Variants in KCNK13 observed in about 807,000 individuals in gnomAD.
KCNK13 encodes the protein potassium two pore domain channel subfamily K member 13, also known as potassium channel subfamily K member 13.
KCNK13 carries 12 observed loss-of-function variants against 23.4 expected under a neutral mutation model. The ratio of observed to expected loss-of-function variants is 0.51; its 90% CI spans 0.33 to 0.83. KCNK13 has a LOEUF of 0.83. Among genes scored for constraint, KCNK13 ranks in the 40% least tolerant of loss-of-function variants. The pLI is 0.02. For synonymous variants in KCNK13, 231 were observed against 229.5 expected (o/e 1.01, Z -0.06); for missense variants, 463 against 556.3 (o/e 0.83, Z 1.69).
At chr14:90,083,311 A>T (rs1889234965) in intron 1 of KCNK13, among the ~76,000 whole-genome samples, 2 of 152,196 alleles carry the variant, frequency 1.3e-5, no homozygotes, top group South Asian at 2.1e-4. Flanking sequence ...TTTGTTGCTT[A>T]TGCTTTTAGT....
At chr14:90,152,542 A>C (rs1353764542) in intron 1 of KCNK13, among the ~76,000 whole-genome samples, 1 of 152,112 alleles carries the variant, frequency 6.6e-6, no homozygotes, top group Non-Finnish European at 1.5e-5. Context: ...TCTCAAAAAA[A>C]AAAGAAGGGC....
intron 1 of KCNK13, among the ~76,000 whole-genome samples, chr14:90,140,238 C>T (rs1226306519): frequency 6.6e-6 from 1 of 152,130 alleles, no homozygotes; most frequent in East Asian, 1.9e-4. Context: ...AGCCATCATG[C>T]AAGGCTCCTT....
intron 1 of KCNK13, among the ~76,000 whole-genome samples, chr14:90,174,365 C>A (rs779874876): frequency 5.9e-5 from 9 of 151,982 alleles, no homozygotes; most frequent in Non-Finnish European, 1.0e-4. Flanking sequence ...ATGAGAACTC[C>A]CTCACTATCA....
intron 1 of KCNK13, among the ~76,000 whole-genome samples, chr14:90,082,065 C>T (rs1027751386): frequency 6.6e-6 from 1 of 152,014 alleles, no homozygotes; most frequent in African/African-American, 2.4e-5. Flanking sequence ...GCTAAATAAA[C>T]CTGTTTTCTT....
rs549428933 is a variant in KCNK13 at position 90,138,969 on chromosome 14, T to C, written c.335-45142T>C. ...GCAGGCAGTGTCTAGAAGGCAACAG[T>C]GGGGCTCTGGGGAAGTCAGCAAGGT... is the stretch of plus-strand genomic sequence containing the variant. On this transcript the variant is annotated intron_variant, in intron 1 of 1. Transcript: ENST00000282146. Among the ~76,000 whole-genome samples, 96 of 151,934 alleles carry C rather than the reference T, an allele frequency of 6.3e-4. 1 individual carries two copies. Among genetic ancestry groups the C allele is most frequent in the African/African-American group, 2.1e-3 (86 of 41,410 alleles).
At chr14:90,077,116 G>C (rs1179629538) in intron 1 of KCNK13, among the ~76,000 whole-genome samples, 6 of 68,224 alleles carry the variant, frequency 8.8e-5, no homozygotes, top group African/African-American at 4.4e-4. Context: ...ACCGCACCTG[G>C]CTTTTTTTTT....
At chr14:90,102,154 A>T (rs1270616233) in intron 1 of KCNK13, among the ~76,000 whole-genome samples, 1 of 152,110 alleles carries the variant, frequency 6.6e-6, no homozygotes. Context: ...AAGTGCTGGG[A>T]TTATGGGCAT....
At chr14:90,118,305 C>G (rs1889700252) in intron 1 of KCNK13, among the ~76,000 whole-genome samples, 1 of 152,210 alleles carries the variant, frequency 6.6e-6, no homozygotes, top group African/African-American at 2.4e-5. Context: ...CCAGGCATCT[C>G]TGGATCCAAC....
At chr14:90,101,919 C>T (rs923989620) in intron 1 of KCNK13, among the ~76,000 whole-genome samples, 4 of 150,878 alleles carry the variant, frequency 2.7e-5, no homozygotes, top group African/African-American at 9.7e-5. Context: ...GTTTTGCTCT[C>T]GTTGCCCAGG....
intron 1 of KCNK13, among the ~76,000 whole-genome samples, chr14:90,102,582 A>G (rs559080108): frequency 2.9e-4 from 44 of 152,142 alleles, no homozygotes; most frequent in Non-Finnish European, 4.7e-4. Flanking sequence ...CACGGAGAGT[A>G]GAGTCTCTCC....
chr14:90,144,865 C>G (rs561046313), intron 1 of KCNK13, among the ~76,000 whole-genome samples: 1 of 152,236 alleles, frequency 6.6e-6, no homozygotes, highest in South Asian at 2.1e-4. Flanking sequence ...ATATCCTACA[C>G]TTGTTCCTGA....
intron 1 of KCNK13, among the ~76,000 whole-genome samples, chr14:90,121,120 C>CA (rs1889734552): frequency 1.3e-5 from 2 of 152,176 alleles, no homozygotes; most frequent in Admixed American, 1.3e-4. Context: ...GTGAGGGAGG[C>CA]AACCAGCTAA....
At chr14:90,180,601 A>G (rs960318961) in intron 1 of KCNK13, among the ~76,000 whole-genome samples, 8 of 152,230 alleles carry the variant, frequency 5.3e-5, no homozygotes, top group Admixed American at 2.6e-4. Flanking sequence ...ACCAAAAGTC[A>G]TGATTATCCC....
chr14:90,067,072 C>T (rs1338896058), intron 1 of KCNK13, among the ~76,000 whole-genome samples: 1 of 152,190 alleles, frequency 6.6e-6, no homozygotes, highest in Non-Finnish European at 1.5e-5. Flanking sequence ...AGTTCGAGAC[C>T]AGCCTGGCCA....
At chr14:90,149,453 G>A (rs1596799673) in intron 1 of KCNK13, among the ~76,000 whole-genome samples, 1 of 152,216 alleles carries the variant, frequency 6.6e-6, no homozygotes, top group Admixed American at 6.5e-5. Context: ...AGGTGCAAAG[G>A]CACATCTTAC....
chr14:90,106,304 G>C (rs1192398255), intron 1 of KCNK13, among the ~76,000 whole-genome samples: 1 of 152,216 alleles, frequency 6.6e-6, no homozygotes, highest in African/African-American at 2.4e-5. Flanking sequence ...CCTGGGCGCA[G>C]TGGCTCACAC....
At chr14:90,109,892 A>G (rs1889594408) in intron 1 of KCNK13, among the ~76,000 whole-genome samples, 1 of 151,590 alleles carries the variant, frequency 6.6e-6, no homozygotes, top group African/African-American at 2.4e-5. Context: ...TATTTTTTGT[A>G]GAGACAGGAT....
chr14:90,112,948 C>G (rs1889632933), intron 1 of KCNK13, among the ~76,000 whole-genome samples: 1 of 146,566 alleles, frequency 6.8e-6, no homozygotes, highest in South Asian at 2.1e-4. Context: ...GGGTCTTGCT[C>G]TGTCGCCCAG....
At chr14:90,142,313 C>CTTTTTTTTTTTTTTTTTTTT (rs59863610) in intron 1 of KCNK13, among the ~76,000 whole-genome samples, 1 of 85,250 alleles carries the variant, frequency 1.2e-5, no homozygotes, top group African/African-American at 5.1e-5. Flanking sequence ...CTGTCCAATT[C>CTTTTTTTTTTTTTTTTTTTT]TTTTTTTTTT....
Sources: allele counts gnomAD v4.1 joint callset (sites outside exome capture counted in the v4.1 genomes callset), GRCh38; gene constraint gnomAD v4.1.1; transcripts MANE v1.5; gene names NCBI Gene and HGNC (gene_info 2026-07-23, HGNC 2026-07-21).